Variants in PRKAR1B observed in about 807,000 individuals in gnomAD.
PRKAR1B encodes protein kinase cAMP-dependent type I regulatory subunit beta.
A neutral mutation model predicts 46.5 loss-of-function variants in PRKAR1B; 22 were observed. That is an observed-to-expected ratio of 0.47 (90% CI 0.34 to 0.68). PRKAR1B has a LOEUF of 0.68. Among genes scored for constraint, PRKAR1B ranks in the 30% least tolerant of loss-of-function variants. The pLI, the probability that PRKAR1B is intolerant of heterozygous loss-of-function variation, is 0.01. For synonymous variants in PRKAR1B, 259 were observed against 217.7 expected (o/e 1.19, Z -1.67); for missense variants, 445 against 535.6 (o/e 0.83, Z 1.67).
Position 602,049 on chromosome 7 carries a change from C to T in PRKAR1B, c.549+4144G>A, listed in dbSNP as rs1046846251. ...TCTCAAAATTGCCTCCCAACGTCCC[C>T]GGGCCTGGCGAGAAGCCAGGCAGGA... On this transcript the variant is annotated intron_variant, in intron 6 of 10. Transcript: ENST00000537384. The surrounding 1 kb of genome is among the most constrained non-coding windows in gnomAD (Gnocchi z 6.4). Among the ~76,000 whole-genome samples, 3 of 152,148 alleles carry T rather than the reference C, an allele frequency of 2.0e-5. No individual in the cohort carries two copies. Among genetic ancestry groups the T allele is most frequent in the African/African-American group, 7.2e-5 (3 of 41,426 alleles).
At chr7:668,299 C>T (rs920548324) in intron 4 of PRKAR1B, among the ~76,000 whole-genome samples, 1 of 152,234 alleles carries the variant, frequency 6.6e-6, no homozygotes, top group African/African-American at 2.4e-5. Context: ...AGCTATGAAG[C>T]TCAGCTTCTA....
intron 7 of PRKAR1B, among the ~76,000 whole-genome samples, chr7:595,392 C>T (rs940962639): frequency 6.6e-6 from 1 of 152,334 alleles, no homozygotes; most frequent in South Asian, 2.1e-4. Flanking sequence ...ACAGGAATCA[C>T]CCTCTGGGGC....
At chr7:635,037 A>T (rs1272144685) in intron 4 of PRKAR1B, among the ~76,000 whole-genome samples, 1 of 152,208 alleles carries the variant, frequency 6.6e-6, no homozygotes, top group East Asian at 1.9e-4. Context: ...CAGCACAAAT[A>T]CGTCCCAAAA....
intron 1 of PRKAR1B, among the ~76,000 whole-genome samples, chr7:720,181 A>G (rs201471640): frequency 6.7e-6 from 1 of 148,802 alleles, no homozygotes; most frequent in East Asian, 2.0e-4. Flanking sequence ...CTCAGCCTCC[A>G]GAGTAGCTGG....
intron 7 of PRKAR1B, among the ~76,000 whole-genome samples, chr7:588,433 T>G (rs1176359123): frequency 1.3e-5 from 2 of 152,140 alleles, no homozygotes; most frequent in Non-Finnish European, 2.9e-5. Flanking sequence ...TTGGTGAGGA[T>G]AGTGACAGTG....
At chr7:624,926 T>A (rs1471090949) in intron 4 of PRKAR1B, among the ~76,000 whole-genome samples, 1 of 152,198 alleles carries the variant, frequency 6.6e-6, no homozygotes, top group African/African-American at 2.4e-5. Flanking sequence ...ATAATTGACA[T>A]TTACAGACTT....
chr7:692,317 T>C (rs1215401846), intron 2 of PRKAR1B, among the ~76,000 whole-genome samples: 11 of 152,098 alleles, frequency 7.2e-5, no homozygotes, highest in Admixed American at 5.9e-4. Context: ...GGAGAATCGA[T>C]TGAACCCAGG....
intron 2 of PRKAR1B, among the ~76,000 whole-genome samples, chr7:688,026 G>T (rs1779188766): frequency 6.6e-6 from 1 of 150,888 alleles, no homozygotes; most frequent in Non-Finnish European, 1.5e-5. Context: ...AACCCAGGAG[G>T]GAGAGGTTGC....
chr7:602,463 T>G lies in PRKAR1B; in HGVS notation c.549+3730A>C, dbSNP rs953297874. The G allele has an allele frequency of 3.6e-5, 6 of 168,828 alleles. No homozygotes were observed. In the East Asian group the frequency reaches 1.2e-3, roughly 33 times the overall value. 10.5% of individuals were successfully genotyped at this position (168,828 alleles called of 1,614,324 possible). On this transcript the variant is annotated intron_variant, in intron 6 of 10. Coordinates refer to ENST00000537384, the MANE Select transcript of PRKAR1B (RefSeq NM_001164760.2). This position sits in a 1 kb window ranked among gnomAD's most constrained non-coding sequence, Gnocchi z 6.4. The stretch of plus-strand genomic sequence containing the variant: ...CCCTTTGCCGAGGTCCTGGCCCAGG[T>G]GGGGCTCCCGGGAGCCTGGAGGCCA...
At chr7:582,173 C>G (rs1780223015) in intron 8 of PRKAR1B, among the ~76,000 whole-genome samples, 1 of 152,278 alleles carries the variant, frequency 6.6e-6, no homozygotes, top group South Asian at 2.1e-4. Flanking sequence ...AGGGGGGAAC[C>G]CATCGTCAAG....
At chr7:683,600 G>C (rs560671240) in intron 2 of PRKAR1B, among the ~76,000 whole-genome samples, 151 of 152,352 alleles carry the variant, frequency 9.9e-4, no homozygotes, top group Non-Finnish European at 1.8e-3. Flanking sequence ...CTGAATGCCA[G>C]CCGCCATCCA....
intron 7 of PRKAR1B, among the ~76,000 whole-genome samples, chr7:588,104 G>A (rs1397567477): frequency 6.6e-6 from 1 of 152,164 alleles, no homozygotes; most frequent in African/African-American, 2.4e-5. Context: ...TCAGTGTCCA[G>A]AAACAGACTC....
chr7:628,298 G>C (rs533716559), intron 4 of PRKAR1B, among the ~76,000 whole-genome samples: 2 of 152,360 alleles, frequency 1.3e-5, no homozygotes, highest in East Asian at 3.9e-4. Context: ...TCTCTGTGCC[G>C]AGCAAGTCAA....
At chr7:693,218 A>G (rs1406130809) in intron 2 of PRKAR1B, among the ~76,000 whole-genome samples, 11 of 148,996 alleles carry the variant, frequency 7.4e-5, no homozygotes, top group African/African-American at 2.7e-4. Flanking sequence ...TACAGGTGAG[A>G]GCCAGTGGGT....
chr7:635,631 G>C (rs1434062487), intron 4 of PRKAR1B, among the ~76,000 whole-genome samples: 1 of 152,172 alleles, frequency 6.6e-6, no homozygotes, highest in East Asian at 1.9e-4. Flanking sequence ...GGCCCTCCCA[G>C]ACTATCCTGT....
intron 4 of PRKAR1B, among the ~76,000 whole-genome samples, chr7:617,015 A>G (rs1333426365): frequency 8.3e-6 from 1 of 120,064 alleles, no homozygotes; most frequent in Non-Finnish European, 1.7e-5. Flanking sequence ...TTTTTTTGAG[A>G]CAGAGTCTCG....
intron 2 of PRKAR1B, among the ~76,000 whole-genome samples, chr7:700,751 T>A (rs1336305560): frequency 6.6e-6 from 1 of 151,830 alleles, no homozygotes; most frequent in African/African-American, 2.4e-5. Flanking sequence ...AATTTAGAAC[T>A]GAAAAATAAA....
chr7:550,591 G>A lies in PRKAR1B; in HGVS notation c.985C>T (p.Leu329=), dbSNP rs1415905551. 9.5e-6 allele frequency: 15 copies of A among 1,582,276 alleles called. No individual in the cohort carries two copies. The highest frequency in any genetic ancestry group is 1.8e-5 in the Admixed American group (1 of 54,268). Residue 329 remains leucine (L), a synonymous_variant, in exon 11 of 11, where the codon CTG becomes TTG. Coordinates refer to ENST00000537384, the MANE Select transcript of PRKAR1B (RefSeq NM_001164760.2). ...GCCGCCCGGGGCCGGTTCAGCAGCA[G>A]TGCAATCTCCCCTGGGGGTTGAAGA... ...GPSDYFGEIA[L]LLNRPRAATV...
chr7:723,780 C>G (rs1269773458), intron 1 of PRKAR1B, among the ~76,000 whole-genome samples: 1 of 152,206 alleles, frequency 6.6e-6, no homozygotes, highest in Non-Finnish European at 1.5e-5. Context: ...CCCATCTGCT[C>G]ACTCCCTGCC....
Sources: allele counts gnomAD v4.1 joint callset (sites outside exome capture counted in the v4.1 genomes callset), GRCh38; gene constraint gnomAD v4.1.1; non-coding constraint Gnocchi (gnomAD v3.1); transcripts MANE v1.5; gene names NCBI Gene and HGNC (gene_info 2026-07-23, HGNC 2026-07-21).